ZNF804A: variants seen among roughly 807,000 people sequenced by gnomAD.
ZNF804A encodes zinc finger protein 804A.
In ZNF804A, 2 loss-of-function variants were observed where a neutral mutation model predicts 16.5. That is an observed-to-expected ratio of 0.12 (90% confidence interval 0.05 to 0.38). The LOEUF (loss-of-function observed/expected upper bound fraction) is 0.38, where lower values mean the gene tolerates loss of function less well. Ranked by LOEUF, ZNF804A falls within the 10% of genes least tolerant of loss-of-function variation. ZNF804A has a pLI of 0.99. For missense variants in ZNF804A, 1,473 were observed against 1,390.7 expected (o/e 1.06, Z -0.94); for synonymous variants, 534 against 489.6 (o/e 1.09, Z -1.20).
intron 1 of ZNF804A, among the ~76,000 whole-genome samples, chr2:184,687,838 G>A (rs781082802): frequency 1.3e-5 from 2 of 152,122 alleles, no homozygotes; most frequent in Non-Finnish European, 2.9e-5. Flanking sequence ...AATTTCATAG[G>A]CCAGGCGTGG....
rs766594664 is a variant in ZNF804A at position 184,937,379 on chromosome 2, A to G, written c.1983A>G (p.Lys661=). ...ATCAGTTACTTGATAAAAGGCCCAA[A>G]TCAGAATCCATATCCTTAAGTGACA... ...DSHQLLDKRP[K]SESISLSDNE... Residue 661 remains lysine, a synonymous_variant, in exon 4 of 4, where the codon AAA becomes AAG. Coordinates refer to ENST00000302277, the MANE Select transcript of ZNF804A (RefSeq NM_194250.2). 5.6e-6 allele frequency: 9 copies of G among 1,613,710 alleles called. No individual in the cohort carries two copies. In the Admixed American group the frequency reaches 8.3e-5, roughly 15 times the overall value.
chr2:184,656,733 T>TAC (rs530798981), intron 1 of ZNF804A, among the ~76,000 whole-genome samples: 1,641 of 150,728 alleles, frequency 0.011, 28 homozygotes, highest in African/African-American at 0.034. Context: ...TACACATATA[T>TAC]ACACACACAC....
At chr2:184,857,248 G>A (rs571795459) in intron 1 of ZNF804A, among the ~76,000 whole-genome samples, 2 of 152,094 alleles carry the variant, frequency 1.3e-5, no homozygotes, top group South Asian at 4.2e-4. Context: ...TGGTTGTTCA[G>A]AAGCATGTTG....
At chr2:184,656,684 A>C (rs764126158) in intron 1 of ZNF804A, among the ~76,000 whole-genome samples, 1 of 151,902 alleles carries the variant, frequency 6.6e-6, no homozygotes, top group Non-Finnish European at 1.5e-5. Flanking sequence ...GTATATATAC[A>C]TATATACACA....
chr2:184,854,949 T>TTTAAAAAAA (rs1491082787), intron 1 of ZNF804A, among the ~76,000 whole-genome samples: 4 of 152,004 alleles, frequency 2.6e-5, no homozygotes, highest in African/African-American at 4.8e-5. Flanking sequence ...ACGACATTAA[T>TTTAAAAAAA]TTAAAAAAAA....
chr2:184,749,225 A>G (rs1440243772), intron 1 of ZNF804A, among the ~76,000 whole-genome samples: 2 of 151,448 alleles, frequency 1.3e-5, no homozygotes, highest in East Asian at 3.9e-4. Context: ...ATGTTTTTCC[A>G]TTCATTTGTG....
intron 1 of ZNF804A, among the ~76,000 whole-genome samples, chr2:184,861,788 A>G (rs1218992545): frequency 6.6e-6 from 1 of 151,970 alleles, no homozygotes; most frequent in Non-Finnish European, 1.5e-5. Context: ...GTATTGGGGG[A>G]TAGATTGTCC....
intron 1 of ZNF804A, among the ~76,000 whole-genome samples, chr2:184,701,587 A>C (rs1692920726): frequency 6.6e-6 from 1 of 151,916 alleles, no homozygotes; most frequent in South Asian, 2.1e-4. Flanking sequence ...CATTTTATCT[A>C]AAGGGAGAAA....
chr2:184,645,039 C>A (rs1313126342), intron 1 of ZNF804A, among the ~76,000 whole-genome samples: 1 of 151,896 alleles, frequency 6.6e-6, no homozygotes, highest in Non-Finnish European at 1.5e-5. Context: ...GAGGATAATT[C>A]CTAGACACTT....
At chr2:184,689,024 T>G (rs1182723650) in intron 1 of ZNF804A, among the ~76,000 whole-genome samples, 1 of 152,096 alleles carries the variant, frequency 6.6e-6, no homozygotes, top group Non-Finnish European at 1.5e-5. Context: ...AAAAAATAAT[T>G]TAACAACATT....
chr2:184,873,294 C>G (rs1696001728), intron 2 of ZNF804A, among the ~76,000 whole-genome samples: 1 of 152,094 alleles, frequency 6.6e-6, no homozygotes, highest in Non-Finnish European at 1.5e-5. Flanking sequence ...TTGAGATCAG[C>G]CTGGGCAATA....
chr2:184,682,552 T>C (rs962928411), intron 1 of ZNF804A, among the ~76,000 whole-genome samples: 1 of 152,142 alleles, frequency 6.6e-6, no homozygotes, highest in African/African-American at 2.4e-5. Context: ...CTCCAACCCT[T>C]GTGGCACTGC....
intron 1 of ZNF804A, among the ~76,000 whole-genome samples, chr2:184,663,317 C>A (rs921741620): frequency 2.0e-5 from 3 of 152,154 alleles, no homozygotes; most frequent in African/African-American, 4.8e-5. Context: ...TGAGCCTGGG[C>A]GCTGTCACTG....
rs538288884 is a variant in ZNF804A, at chr2:184,809,363, A to G, written c.112-57006A>G. Among the ~76,000 whole-genome samples the G allele has an allele frequency of 5.3e-5, 8 of 152,058 alleles. No homozygotes were observed. The East Asian group carries it at 1.3e-3, about 26-fold the overall frequency. The stretch of plus-strand genomic sequence containing the variant: ...AGTGAATGGAGGAAAGAAAACATGT[A>G]CTTAATATTTCCTGATATAAGCCAA... On this transcript the variant is annotated intron_variant, in intron 1 of 3. Coordinates refer to ENST00000302277, the MANE Select transcript of ZNF804A (RefSeq NM_194250.2).
At chr2:184,884,607 C>A (rs940525385) in intron 2 of ZNF804A, among the ~76,000 whole-genome samples, 4 of 151,998 alleles carry the variant, frequency 2.6e-5, no homozygotes, top group African/African-American at 9.7e-5. Context: ...AAAACAGAAC[C>A]ATAGACCAAT....
chr2:184,647,551 C>G (rs1392855599), intron 1 of ZNF804A, among the ~76,000 whole-genome samples: 1 of 151,976 alleles, frequency 6.6e-6, no homozygotes, highest in East Asian at 1.9e-4. Flanking sequence ...ATAAATCATT[C>G]AGAGCATCTA....
chr2:184,839,446 T>C (rs188760398), intron 1 of ZNF804A, among the ~76,000 whole-genome samples: 3 of 152,260 alleles, frequency 2.0e-5, no homozygotes, highest in Admixed American at 2.0e-4. Context: ...TAATTTAACA[T>C]GTATTTCCTA....
At chr2:184,738,075 G>A (rs1413977006) in intron 1 of ZNF804A, among the ~76,000 whole-genome samples, 6 of 149,534 alleles carry the variant, frequency 4.0e-5, no homozygotes, top group African/African-American at 9.9e-5. Flanking sequence ...GCAGTGAGCC[G>A]AGATCATGCC....
intron 2 of ZNF804A, among the ~76,000 whole-genome samples, chr2:184,903,891 AAATAT>A (rs1445938935): frequency 6.6e-6 from 1 of 152,084 alleles, no homozygotes; most frequent in African/African-American, 2.4e-5. Context: ...ACCACTTTTC[AAATAT>A]GATACATTCA....
Sources: gnomAD v4.1 joint callset for allele counts (sites outside exome capture counted in the v4.1 genomes callset) on GRCh38, gnomAD v4.1.1 for gene constraint, MANE v1.5 for transcripts, NCBI Gene and HGNC (gene_info 2026-07-23, HGNC 2026-07-21) for gene names.